The following NOTCH1 variants were observed in gnomAD, a reference collection of about 807,000 sequenced individuals.
NOTCH1 encodes the protein neurogenic locus notch homolog protein 1.
NOTCH1 carries 37 observed loss-of-function variants against 254.8 expected under a neutral mutation model. That is an observed-to-expected ratio of 0.15 (90% confidence interval 0.11 to 0.19). The LOEUF (loss-of-function observed/expected upper bound fraction) is 0.19. NOTCH1 is among the 10% of genes least tolerant of loss of function. NOTCH1 has a pLI of 1.00. For missense variants in NOTCH1, 2,972 were observed against 3,708.6 expected (o/e 0.80, Z 5.16); for synonymous variants, 1,731 against 1,618.1 (o/e 1.07, Z -1.68).
chr9:136,497,063 A>G lies in NOTCH1; in HGVS notation c.6676T>C (p.Ser2226Pro). 1 of 1,609,472 alleles carries G rather than the reference A, an allele frequency of 6.2e-7. No individual in the cohort carries two copies. The highest frequency in any genetic ancestry group is 8.5e-7 in the Non-Finnish European group (1 of 1,177,966). Residue 2226 changes from serine (S) to proline (P), a missense_variant, in exon 34 of 34, where the codon TCT becomes CCT. Transcript: ENST00000651671. Reference protein sequence around the residue: ...PPLLPSPFQQSPSVPLNHLPG... With the variant: ...PPLLPSPFQQPPSVPLNHLPG... ...AGGTGGTTGAGGGGCACGGACGGAG[A>G]CTGCTGGAACGGGGAGGGCAGCAGT...
rs768817065 is a variant in NOTCH1 at position 136,496,958 on chromosome 9, C to A, written c.6781G>T (p.Gly2261Cys). 38 of 1,610,850 alleles carry A rather than the reference C, an allele frequency of 2.4e-5. No individual in the cohort carries two copies. The highest frequency in any genetic ancestry group is 3.1e-5 in the Non-Finnish European group (37 of 1,179,358). The change falls in exon 34 of 34, where the codon GGC becomes TGC. Residue 2261 changes from glycine (G) to cysteine (C), a missense_variant. Coordinates refer to ENST00000651671, the MANE Select transcript of NOTCH1 (RefSeq NM_017617.5). ...CCAGTCTCAAAGGCCAGCCGGCCGC[C>A]CCCACCCAGCGCCGCCATCTCGGGC... ...AKPEMAALGG[G>C]GRLAFETGPP...
At position 136,495,303 on chromosome 9, in the gene NOTCH1, C is replaced by T. The variant is rs1367554749; in HGVS notation, c.*768G>A. On this transcript the variant is annotated 3_prime_UTR_variant, in exon 34 of 34. Transcript: ENST00000651671. ...GGGGTGGTTCTGGAGGGACCAAGAA[C>T]TTGTATAACCAACGAACAACTACAT... 2.5e-6 allele frequency: 1 copy of T among 398,882 alleles called. No individual in the cohort carries two copies. The highest frequency in any genetic ancestry group is 4.4e-6 in the Non-Finnish European group (1 of 226,090). 24.7% of individuals were successfully genotyped at this position (398,882 alleles called of 1,614,324 possible). A position where few individuals can be genotyped will look rare whatever the true frequency, so the allele number is the denominator to read the frequency against.
At chr9:136,512,907 G>GA in intron 15 of NOTCH1, 114 bp downstream of exon 15, 1 of 466,764 alleles carries the variant, frequency 2.1e-6, no homozygotes, top group Admixed American at 2.6e-5. Context: ...TTCCCAGGCC[G>GA]CCCCCACCCC....
rs1200928521 is a variant in NOTCH1 at position 136,504,687 on chromosome 9, G to C, written c.5004C>G (p.Pro1668=). 6.6e-7 allele frequency: 1 copy of C among 1,522,570 alleles called. No homozygotes were observed. 94.3% of individuals were successfully genotyped at this position (1,522,570 alleles called of 1,614,324 possible). A position where few individuals can be genotyped will look rare whatever the true frequency, so the allele number is the denominator to read the frequency against. ...EGGRRRRELD[P]MDVRGSIVYL... ...GTCTCACTCACCCGCGGACGTCCATGGGGTCCAGCTCCCTCCGCCGCCGCC... is the reference window on the plus strand; with the variant it reads ...GTCTCACTCACCCGCGGACGTCCATCGGGTCCAGCTCCCTCCGCCGCCGCC... The change falls in exon 26 of 34, where the codon CCC becomes CCG. Residue 1668 remains proline (P), a synonymous_variant. Transcript: ENST00000651671.
chr9:136,534,160 G>A (rs969917408), intron 2 of NOTCH1, among the ~76,000 whole-genome samples: 4 of 152,182 alleles, frequency 2.6e-5, no homozygotes, highest in Admixed American at 6.5e-5. Flanking sequence ...CTGCAGGGCC[G>A]CTGCACTCAC....
chr9:136,534,648 G>A (rs954021577), intron 2 of NOTCH1, among the ~76,000 whole-genome samples: 6 of 152,114 alleles, frequency 3.9e-5, no homozygotes, highest in Non-Finnish European at 1.5e-5. Context: ...CGCTGTGGGG[G>A]TTGGGTCCGG....
In NOTCH1 at chr9:136,516,021, G is replaced by A. The variant is rs1180264404; in HGVS notation, c.1629C>T (p.Cys543=). Residue 543 remains cysteine (C), a synonymous_variant, in exon 10 of 34, where the codon TGC becomes TGT. Coordinates refer to ENST00000651671, the MANE Select transcript of NOTCH1 (RefSeq NM_017617.5). The stretch of plus-strand genomic sequence containing the variant: ...AGGTGTAAGTGTTGGGTCCGTCCAG[G>A]CACTTGGCACCATTCTTGCAGGGGG... ...ASTPCKNGAK[C]LDGPNTYTCV... 1 of 1,611,952 alleles carries A rather than the reference G, an allele frequency of 6.2e-7. No individual in the cohort carries two copies. The highest frequency in any genetic ancestry group is 8.5e-7 in the Non-Finnish European group (1 of 1,179,854).
rs2133331593 is a variant in NOTCH1, at chr9:136,502,427, G to A, written c.5229C>T (p.Ala1743=). Residue 1743 remains alanine (A), a synonymous_variant, in exon 28 of 34, where the codon GCC becomes GCT. Coordinates refer to ENST00000651671, the MANE Select transcript of NOTCH1 (RefSeq NM_017617.5). ...AGCCCACGAAGAACAGAAGCACAAA[G>A]GCGGCCGCCGCCACGTACATGAAGT... The part of the protein sequence containing the change: ...QLHFMYVAAA[A]FVLLFFVGCG... 6.2e-7 allele frequency: 1 copy of A among 1,609,138 alleles called. No individual in the cohort carries two copies. The highest frequency in any genetic ancestry group is 8.5e-7 in the Non-Finnish European group (1 of 1,178,590).
At chr9:136,517,082 A>G (rs2133366946) in intron 9 of NOTCH1, among the ~76,000 whole-genome samples, 190 bp downstream of exon 9, 1 of 141,758 alleles carries the variant, frequency 7.1e-6, no homozygotes, top group East Asian at 2.1e-4. Flanking sequence ...AGGGGACACA[A>G]CCCACGGCCC....
chr9:136,507,464 C>T, intron 21 of NOTCH1, 27 bp from the exon 22 acceptor site: 1 of 1,584,928 alleles, frequency 6.3e-7, no homozygotes, highest in South Asian at 1.1e-5. Flanking sequence ...ACGAGGGGCC[C>T]TTCGGCTCAG....
Position 136,508,045 on chromosome 9 carries a change from G to A in NOTCH1, c.3420C>T (p.Ser1140=), listed in dbSNP as rs1482318576. Residue 1140 remains serine, a synonymous_variant, in exon 21 of 34, where the codon AGC becomes AGT. Transcript: ENST00000651671. The part of the protein sequence containing the change: ...HCRCQAGYTG[S]YCEDLVDECS... ...ACTCGTCCACCAGGTCCTCACAGTAGCTGCCTGTGTAGCCCGCCTGGCAGC... is the reference window on the plus strand; with the variant it reads ...ACTCGTCCACCAGGTCCTCACAGTAACTGCCTGTGTAGCCCGCCTGGCAGC... The A allele has an allele frequency of 6.2e-7, 1 of 1,612,132 alleles. No individual in the cohort carries two copies. Among genetic ancestry groups the A allele is most frequent in the African/African-American group, 1.3e-5 (1 of 75,068 alleles).
intron 22 of NOTCH1, 45 bp downstream of exon 22, chr9:136,507,260 T>C: frequency 1.2e-6 from 2 of 1,612,486 alleles, no homozygotes; most frequent in Non-Finnish European, 1.7e-6. Context: ...GCCCCTGCCC[T>C]GGCCATGGAT....
chr9:136,519,699 C>T (rs976095367), intron 4 of NOTCH1, 134 bp from the exon 5 acceptor site: 30 of 1,259,710 alleles, frequency 2.4e-5, no homozygotes, highest in Middle Eastern at 1.9e-4. Context: ...GGTCTGTGCC[C>T]GTCCCCTGCC....
In NOTCH1 at chr9:136,506,704, C is replaced by T. The variant is rs367600561; in HGVS notation, c.3901+12G>A. Reference sequence around the variant, plus strand: ...GCCCCACACGCCCCACCCGCCTGGGCGCGGCACCCACCGGTGTGACCAGCA... The same window carrying T: ...GCCCCACACGCCCCACCCGCCTGGGTGCGGCACCCACCGGTGTGACCAGCA... On this transcript the variant is annotated intron_variant, in intron 23 of 33. Transcript: ENST00000651671. This position sits in a 1 kb window ranked among gnomAD's most constrained non-coding sequence, Gnocchi z 4.5. 9.5e-5 allele frequency: 151 copies of T among 1,596,564 alleles called. 1 individual carries two copies. The African/African-American group carries it at 1.8e-3, about 19-fold the overall frequency.
chr9:136,528,238 G>C (rs1843499828), intron 2 of NOTCH1, among the ~76,000 whole-genome samples: 1 of 146,940 alleles, frequency 6.8e-6, no homozygotes, highest in Admixed American at 6.7e-5. Flanking sequence ...GAGGGGTGGG[G>C]GTGTGGGGTC....
chr9:136,498,920 G>T lies in NOTCH1; in HGVS notation c.6159C>A (p.Asn2053Lys). Residue 2053 changes from asparagine to lysine, a missense_variant, in exon 33 of 34, where the codon AAC becomes AAA. Physicochemically the swap from Asn to Lys is moderately conservative, Grantham distance 94. This residue lies in a region of NOTCH1 where 421 missense variants were observed against 604.4 expected (regional missense o/e 0.70). Transcript: ENST00000651671. ...TCACCCTGTTGTTCTGCATATCTTT[G>T]TTAGCCCCGTTCTTCAGGAGCACAA... ...AAVVLLKNGA[N>K]KDMQNNREET... 6.2e-7 allele frequency: 1 copy of T among 1,613,724 alleles called. No individual in the cohort carries two copies.
intron 15 of NOTCH1, 45 bp downstream of exon 15, chr9:136,512,974 CCA>C (rs1843205254): frequency 2.8e-6 from 2 of 705,838 alleles, no homozygotes; most frequent in East Asian, 3.6e-5. Context: ...CCCGCCCCTC[CCA>C]CATAGGCCCC....
Position 136,522,779 on chromosome 9 carries a change from G to A in NOTCH1, c.742+71C>T, listed in dbSNP as rs921536518. The A allele has an allele frequency of 1.0e-5, 14 of 1,377,944 alleles. 1 individual carries two copies. The South Asian group carries it at 1.0e-4, about 10-fold the overall frequency. The allele number at this position is 1,377,944 out of a possible 1,614,324, so 85.4% of individuals were successfully genotyped here. A position where few individuals can be genotyped will look rare whatever the true frequency, so the allele number is the denominator to read the frequency against. On this transcript the variant is annotated intron_variant, in intron 4 of 33. Transcript: ENST00000651671. ...TCCCAGGGCTGCCCCTACACCAGGC[G>A]CCCCGTTCCCACCCCCTGGGCCTGG...
chr9:136,528,288 G>C (rs970392327), intron 2 of NOTCH1, among the ~76,000 whole-genome samples: 2 of 140,298 alleles, frequency 1.4e-5, no homozygotes, highest in Non-Finnish European at 1.5e-5. Flanking sequence ...TGATGTGGCT[G>C]GCTCTGCACC....
Sources: gnomAD v4.1 joint callset for allele counts (sites outside exome capture counted in the v4.1 genomes callset) on GRCh38, gnomAD v4.1.1 for gene constraint, gnomAD v4.1.1 regional missense constraint, Gnocchi (gnomAD v3.1) non-coding constraint, MANE v1.5 for transcripts, NCBI Gene and HGNC (gene_info 2026-07-23, HGNC 2026-07-21) for gene names.